LRMDA: variants seen among roughly 807,000 people sequenced by gnomAD.
The protein encoded by LRMDA is leucine rich melanocyte differentiation associated, also known as leucine-rich melanocyte differentiation-associated protein.
Under a neutral mutation model 29.8 loss-of-function variants are expected in LRMDA, and 18 were observed. The ratio of observed to expected loss-of-function variants is 0.60; its 90% confidence interval spans 0.42 to 0.90. LRMDA has a LOEUF of 0.90. LRMDA is among the 40% of genes least tolerant of loss of function. LRMDA has a pLI of 0.00. For missense variants in LRMDA, 273 were observed against 273.9 expected, an observed-to-expected ratio of 1.00 and a Z score of 0.02; for synonymous variants, 125 against 109.4, an observed-to-expected ratio of 1.14 and a Z score of -0.89.
chr10:76,029,016 CA>C (rs1317376530), intron 2 of LRMDA, among the ~76,000 whole-genome samples: 1 of 152,106 alleles, frequency 6.6e-6, no homozygotes, highest in African/African-American at 2.4e-5. Context: ...GAGGTTTCAC[CA>C]TGTTGGCCAG....
At chr10:76,484,052 C>T (rs1407515412) in intron 6 of LRMDA, among the ~76,000 whole-genome samples, 2 of 151,804 alleles carry the variant, frequency 1.3e-5, no homozygotes, top group Non-Finnish European at 2.9e-5. Flanking sequence ...GTACATTTGC[C>T]GTTTTCATTG....
rs139585668 is a variant in LRMDA, at chr10:76,228,385, A to G, written c.517-96016A>G. Among the ~76,000 whole-genome samples, 309 of 152,266 alleles carry G rather than the reference A, an allele frequency of 2.0e-3. 1 individual carries two copies. Among genetic ancestry groups the G allele is most frequent in the African/African-American group, 6.6e-3 (274 of 41,558 alleles). Reference sequence around the variant, plus strand: ...GGTGCCCTCTGCATAAACAAAGACCATGGCATTGTAATAGACGGAGTTTAA... The same window carrying G: ...GGTGCCCTCTGCATAAACAAAGACCGTGGCATTGTAATAGACGGAGTTTAA... On this transcript the variant is annotated intron_variant, in intron 5 of 6. Transcript: ENST00000611255.
At chr10:76,419,470 T>C (rs1228464614) in intron 6 of LRMDA, among the ~76,000 whole-genome samples, 1 of 152,074 alleles carries the variant, frequency 6.6e-6, no homozygotes, top group African/African-American at 2.4e-5. Context: ...TGTACCACAA[T>C]ATATTTATCC....
In LRMDA at chr10:75,441,283, T is replaced by C. The variant is rs559778416; in HGVS notation, c.131+2789T>C. Among the ~76,000 whole-genome samples, 193 of 152,294 alleles carry C rather than the reference T, an allele frequency of 1.3e-3. 1 individual carries two copies. The highest frequency in any genetic ancestry group is 4.5e-3 in the African/African-American group (185 of 41,570). On this transcript the variant is annotated intron_variant, in intron 2 of 6. Transcript: ENST00000611255. ...TATATCCGTGGGATTGCAGGGAGCATGTTTCCCAGTCAGGCTGCCCTGCAC... is the reference window on the plus strand; with the variant it reads ...TATATCCGTGGGATTGCAGGGAGCACGTTTCCCAGTCAGGCTGCCCTGCAC...
intron 5 of LRMDA, among the ~76,000 whole-genome samples, chr10:76,216,454 G>A (rs1851730106): frequency 6.6e-6 from 1 of 152,184 alleles, no homozygotes; most frequent in African/African-American, 2.4e-5. Flanking sequence ...AGTATGTAAA[G>A]AACTCCTATA....
chr10:75,537,947 G>A (rs1839972385), intron 2 of LRMDA, among the ~76,000 whole-genome samples: 1 of 152,056 alleles, frequency 6.6e-6, no homozygotes, highest in Non-Finnish European at 1.5e-5. Context: ...ATATACCCTG[G>A]TGGGTCACAC....
chr10:75,778,547 C>G (rs1190551607), intron 2 of LRMDA, among the ~76,000 whole-genome samples: 1 of 152,108 alleles, frequency 6.6e-6, no homozygotes, highest in Non-Finnish European at 1.5e-5. Context: ...TGTAGTCAAT[C>G]AATGAGGATG....
chr10:76,246,400 C>T (rs1852377712), intron 5 of LRMDA, among the ~76,000 whole-genome samples: 1 of 152,158 alleles, frequency 6.6e-6, no homozygotes, highest in Non-Finnish European at 1.5e-5. Context: ...TTTCCCACAC[C>T]TCCTCTCATG....
At chr10:75,484,291 A>C (rs1012650991) in intron 2 of LRMDA, among the ~76,000 whole-genome samples, 7 of 152,164 alleles carry the variant, frequency 4.6e-5, no homozygotes, top group Non-Finnish European at 1.0e-4. Context: ...TATGATAAAC[A>C]ATATTAGATT....
intron 2 of LRMDA, among the ~76,000 whole-genome samples, chr10:75,960,411 C>A (rs1049594428): frequency 3.9e-5 from 6 of 152,040 alleles, no homozygotes; most frequent in African/African-American, 1.4e-4. Context: ...GCTTAGGAGA[C>A]AAAGGATGAT....
intron 2 of LRMDA, among the ~76,000 whole-genome samples, chr10:75,622,644 A>G (rs1224564040): frequency 6.6e-6 from 1 of 152,182 alleles, no homozygotes. Flanking sequence ...CTTAAACTCT[A>G]TGTGACATTT....
At chr10:76,010,294 C>A (rs1589287429) in intron 2 of LRMDA, among the ~76,000 whole-genome samples, 1 of 150,988 alleles carries the variant, frequency 6.6e-6, no homozygotes, top group South Asian at 2.1e-4. Context: ...GTTTAGGGTA[C>A]TCTTAATCTA....
intron 2 of LRMDA, among the ~76,000 whole-genome samples, chr10:75,807,496 C>T (rs879944564): frequency 5.3e-5 from 8 of 152,202 alleles, no homozygotes; most frequent in East Asian, 3.8e-4. Context: ...TTTCTGTCTT[C>T]GGGATTGTAT....
intron 2 of LRMDA, among the ~76,000 whole-genome samples, chr10:75,949,110 G>T (rs144944590): frequency 2.0e-5 from 3 of 152,054 alleles, no homozygotes; most frequent in Non-Finnish European, 4.4e-5. Context: ...TTGCTGCAGC[G>T]TACTAGCATG....
intron 5 of LRMDA, among the ~76,000 whole-genome samples, chr10:76,213,789 C>T (rs1367646212): frequency 6.6e-6 from 1 of 152,176 alleles, no homozygotes; most frequent in Non-Finnish European, 1.5e-5. Context: ...AAATTTGAAA[C>T]AAATTATTAT....
chr10:76,441,732 T>G (rs1171272516), intron 6 of LRMDA, among the ~76,000 whole-genome samples: 1 of 152,178 alleles, frequency 6.6e-6, no homozygotes, highest in Non-Finnish European at 1.5e-5. Flanking sequence ...CCTCCTCTTG[T>G]TCTTCTTTCA....
At chr10:76,374,258 T>A (rs953753058) in intron 6 of LRMDA, among the ~76,000 whole-genome samples, 1 of 152,208 alleles carries the variant, frequency 6.6e-6, no homozygotes, top group Non-Finnish European at 1.5e-5. Context: ...TGTATCAAGA[T>A]AATGCCAGTT....
intron 5 of LRMDA, among the ~76,000 whole-genome samples, chr10:76,157,268 C>T (rs1285310340): frequency 6.6e-6 from 1 of 152,076 alleles, no homozygotes; most frequent in Admixed American, 6.6e-5. Flanking sequence ...TGGAAAGAAG[C>T]AAATGAATTT....
At chr10:75,726,281 T>G (rs1842630247) in intron 2 of LRMDA, among the ~76,000 whole-genome samples, 1 of 152,080 alleles carries the variant, frequency 6.6e-6, no homozygotes, top group African/African-American at 2.4e-5. Context: ...GTGGGGGTAA[T>G]AGATTGTTTT....
Sources: gnomAD v4.1 joint callset for allele counts (sites outside exome capture counted in the v4.1 genomes callset) on GRCh38, gnomAD v4.1.1 for gene constraint, MANE v1.5 for transcripts, NCBI Gene and HGNC (gene_info 2026-07-23, HGNC 2026-07-21) for gene names.